Variants in ERBB4 observed in about 807,000 individuals in gnomAD.
The protein encoded by ERBB4 is receptor tyrosine-protein kinase erbB-4.
A neutral mutation model predicts 158.0 loss-of-function variants in ERBB4; 42 were observed. That is an observed-to-expected ratio of 0.27 (90% CI 0.21 to 0.34). ERBB4 has a LOEUF of 0.34. ERBB4 is among the 10% of genes least tolerant of loss of function. The probability of loss-of-function intolerance (pLI) is 1.00; values close to 1 mark genes in which losing one functional copy is unlikely to be tolerated. For missense variants in ERBB4, 1,333 were observed against 1,624.1 expected (o/e 0.82, Z 3.08); for synonymous variants, 583 against 558.7 (o/e 1.04, Z -0.61).
At chr2:211,704,304 G>A (rs557016054) in intron 10 of ERBB4, 110 bp from the exon 11 acceptor site, 1 of 754,448 alleles carries the variant, frequency 1.3e-6, no homozygotes, top group South Asian at 1.4e-5. Context: ...AGTGAGAAAG[G>A]GGTAGTGAAC....
rs1553630145 is a variant in ERBB4 at position 211,772,955 on chromosome 2, A to ATATATATATT, written c.556+15069_556+15070insAATATATATA. ...TATATATATATATATATATATATAT[A>ATATATATATT]TTTTTTTTTTTAAAGATGGGGTCCT... On this transcript the variant is annotated intron_variant, in intron 4 of 27. Transcript: ENST00000342788. 1.8e-4 allele frequency among the ~76,000 whole-genome samples: 15 copies of ATATATATATT among 83,296 alleles called. No homozygotes were observed. In the South Asian group the frequency reaches 2.4e-3, roughly 14 times the overall value. The allele number at this position is 83,296 out of a possible 152,430, so 54.6% of individuals were successfully genotyped here.
rs1483526401 is a variant in ERBB4 at position 211,439,673 on chromosome 2, T to C, written c.2488-8573A>G. 2.0e-5 allele frequency among the ~76,000 whole-genome samples: 3 copies of C among 152,330 alleles called. No individual in the cohort carries two copies. The East Asian group carries it at 5.8e-4, about 29-fold the overall frequency. On this transcript the variant is annotated intron_variant, in intron 20 of 27. Coordinates refer to ENST00000342788, the MANE Select transcript of ERBB4 (RefSeq NM_005235.3). Reference sequence around the variant, plus strand: ...TTACCTCTCTGTACATCAATTTCCTTGTCTTAAAATAGGAGTACTAGCAGT... The same window carrying C: ...TTACCTCTCTGTACATCAATTTCCTCGTCTTAAAATAGGAGTACTAGCAGT...
At chr2:212,294,622 T>G (rs1178833610) in intron 1 of ERBB4, among the ~76,000 whole-genome samples, 1 of 152,034 alleles carries the variant, frequency 6.6e-6, no homozygotes, top group Non-Finnish European at 1.5e-5. Flanking sequence ...ATCTGTTCTA[T>G]CAAAACTATA....
intron 25 of ERBB4, among the ~76,000 whole-genome samples, chr2:211,389,216 T>C (rs935597954): frequency 4.6e-5 from 7 of 152,278 alleles, no homozygotes; most frequent in Admixed American, 1.3e-4. Flanking sequence ...TTTGTATTTT[T>C]AGTAGAGACG....
intron 1 of ERBB4, among the ~76,000 whole-genome samples, chr2:212,338,748 A>G (rs527536646): frequency 6.6e-6 from 1 of 152,266 alleles, no homozygotes; most frequent in South Asian, 2.1e-4. Flanking sequence ...CATAAAAGAA[A>G]ATTCAGAGAA....
chr2:211,877,819 T>C (rs1041130410), intron 3 of ERBB4, among the ~76,000 whole-genome samples: 12 of 152,158 alleles, frequency 7.9e-5, no homozygotes, highest in Non-Finnish European at 1.2e-4. Flanking sequence ...TCGGTAACAA[T>C]GCATCAGGCC....
chr2:211,456,114 T>C (rs954662847), intron 20 of ERBB4, among the ~76,000 whole-genome samples: 1 of 152,170 alleles, frequency 6.6e-6, no homozygotes, highest in Admixed American at 6.5e-5. Context: ...CCACCTATGA[T>C]AATGAGGAAT....
intron 4 of ERBB4, among the ~76,000 whole-genome samples, chr2:211,758,100 G>A (rs1226513616): frequency 6.6e-6 from 1 of 152,116 alleles, no homozygotes; most frequent in Non-Finnish European, 1.5e-5. Flanking sequence ...ACACGTACAA[G>A]CTCATGTGAT....
At chr2:211,722,095 T>A (rs1446887428) in intron 7 of ERBB4, among the ~76,000 whole-genome samples, 2 of 152,120 alleles carry the variant, frequency 1.3e-5, no homozygotes, top group African/African-American at 4.8e-5. Flanking sequence ...ACTCCTGACC[T>A]CAGGTGCCAC....
intron 2 of ERBB4, among the ~76,000 whole-genome samples, chr2:212,082,603 C>G (rs2078480047): frequency 6.6e-6 from 1 of 151,920 alleles, no homozygotes; most frequent in South Asian, 2.1e-4. Flanking sequence ...ATAAGAATAC[C>G]TATTTTCTAC....
intron 2 of ERBB4, among the ~76,000 whole-genome samples, chr2:211,954,096 G>C (rs1247164158): frequency 1.3e-5 from 2 of 151,694 alleles, no homozygotes; most frequent in African/African-American, 4.8e-5. Flanking sequence ...TCTTTTAATA[G>C]CTATTAATTT....
At chr2:212,497,450 G>A (rs980263006) in intron 1 of ERBB4, among the ~76,000 whole-genome samples, 7 of 152,072 alleles carry the variant, frequency 4.6e-5, no homozygotes, top group African/African-American at 1.7e-4. Context: ...CATTAACTTA[G>A]ACACTAGCTG....
chr2:212,215,699 TA>T (rs879643647), intron 1 of ERBB4, among the ~76,000 whole-genome samples: 24 of 150,606 alleles, frequency 1.6e-4, no homozygotes, highest in African/African-American at 4.4e-4. Flanking sequence ...AATACTTTGC[TA>T]AAAAAAAATC....
At chr2:212,074,143 G>C (rs1177277018) in intron 2 of ERBB4, among the ~76,000 whole-genome samples, 1 of 151,878 alleles carries the variant, frequency 6.6e-6, no homozygotes, top group African/African-American at 2.4e-5. Context: ...TTGGCTCCTT[G>C]GTTTGTCTAT....
At chr2:211,749,613 A>C (rs988913150) in intron 5 of ERBB4, among the ~76,000 whole-genome samples, 1 of 152,194 alleles carries the variant, frequency 6.6e-6, no homozygotes, top group Non-Finnish European at 1.5e-5. Context: ...GAAATCATTT[A>C]TCATTGGAAA....
intron 2 of ERBB4, among the ~76,000 whole-genome samples, chr2:211,967,001 T>C (rs1406632257): frequency 1.3e-5 from 2 of 152,160 alleles, no homozygotes; most frequent in Admixed American, 1.3e-4. Context: ...TATAATGTGG[T>C]AATTATTAAA....
At chr2:211,628,178 A>G (rs1189941653) in intron 17 of ERBB4, among the ~76,000 whole-genome samples, 1 of 142,292 alleles carries the variant, frequency 7.0e-6, no homozygotes, top group Admixed American at 7.1e-5. Context: ...TTTTTTTTTA[A>G]TTATTATACT....
At chr2:211,561,618 A>G (rs2067394396) in intron 20 of ERBB4, 1 of 432,672 alleles carries the variant, frequency 2.3e-6, no homozygotes, top group Non-Finnish European at 4.3e-6. Flanking sequence ...CAAATAAGCC[A>G]AACAAATCCA....
intron 1 of ERBB4, among the ~76,000 whole-genome samples, chr2:212,311,646 C>T (rs2087049500): frequency 6.6e-6 from 1 of 150,898 alleles, no homozygotes; most frequent in Admixed American, 6.6e-5. Context: ...CACATGCATC[C>T]ACCTCTCCTC....
Sources: allele counts gnomAD v4.1 joint callset (sites outside exome capture counted in the v4.1 genomes callset), GRCh38; gene constraint gnomAD v4.1.1; transcripts MANE v1.5; gene names NCBI Gene and HGNC (gene_info 2026-07-23, HGNC 2026-07-21).